Variants in CDKL5 observed in about 807,000 individuals in gnomAD.
The protein encoded by CDKL5 is cyclin-dependent kinase-like 5.
CDKL5 carries 8 observed loss-of-function variants against 61.7 expected under a neutral mutation model. The observed-to-expected ratio is 0.13, with a 90% CI of 0.08 to 0.23. The LOEUF is 0.23. CDKL5 is among the 10% of genes least tolerant of loss of function. The pLI is 1.00. For missense variants in CDKL5, 440 were observed against 734.5 expected (o/e 0.60, Z 4.63); for synonymous variants, 275 against 272.3 (o/e 1.01, Z -0.10).
At position 18,633,100 on chromosome X, in the gene CDKL5, G is replaced by A; in HGVS notation, c.*4343G>A. The A allele has an allele frequency of 1.3e-6, 1 of 754,178 alleles. No individual in the cohort carries two copies. Among genetic ancestry groups the A allele is most frequent in the Non-Finnish European group, 1.6e-6 (1 of 639,398 alleles). 62.2% of individuals were successfully genotyped at this position (754,178 alleles called of 1,213,427 possible). On this transcript the variant is annotated 3_prime_UTR_variant, in exon 18 of 18. Transcript: ENST00000623535. ...GACTCAGTAAATCTGCACGTTCTCTGCTGGTCAGAACATGTTTCCTGGAGA... is the reference window on the plus strand; with the variant it reads ...GACTCAGTAAATCTGCACGTTCTCTACTGGTCAGAACATGTTTCCTGGAGA...
intron 16 of CDKL5, among the ~76,000 whole-genome samples, chrX:18,621,482 T>A (rs942622691): frequency 1.8e-5 from 2 of 111,767 alleles, no homozygotes; most frequent in Non-Finnish European, 1.9e-5. Flanking sequence ...GTATTAGGAT[T>A]TTGGTATATT....
At chrX:18,483,405 T>C (rs1389139367) in intron 1 of CDKL5, among the ~76,000 whole-genome samples, 2 of 110,881 alleles carry the variant, frequency 1.8e-5, no homozygotes, top group African/African-American at 3.3e-5. Context: ...AAGCAGTGCA[T>C]GGACTGCTTG....
intron 14 of CDKL5, among the ~76,000 whole-genome samples, chrX:18,611,642 T>C (rs1039526375): frequency 9.0e-6 from 1 of 111,130 alleles, no homozygotes; most frequent in Non-Finnish European, 1.9e-5. Flanking sequence ...TTAAGTTAGT[T>C]AGTCTTTGAC....
rs1602286432 is a variant in CDKL5, at chrX:18,604,387, G to A, written c.1463G>A (p.Ser488Asn). Residue 488 changes from serine (S) to asparagine (N), a missense_variant, in exon 12 of 18, where the codon AGC (serine) becomes AAC (asparagine). Around this residue, in one of 2 missense-constraint regions of CDKL5, gnomAD observed 363 missense variants for 516.3 expected, o/e 0.70. Coordinates refer to ENST00000623535, the MANE Select transcript of CDKL5 (RefSeq NM_001323289.2). Reference protein sequence around the residue: ...RSPSYRTKAKSHGALSDSKSV... With the variant: ...RSPSYRTKAKNHGALSDSKSV... ...CCCTCCTACAGGACCAAGGCCAAAA[G>A]CCATGGGGCACTGAGTGACTCCAAG... is the stretch of plus-strand genomic sequence containing the variant. The A allele has an allele frequency of 4.1e-6, 5 of 1,210,426 alleles. 1 individual carries two copies. The highest frequency in any genetic ancestry group is 2.2e-6 in the Non-Finnish European group (2 of 894,566).
At chrX:18,497,617 G>A (rs1342127937) in intron 1 of CDKL5, among the ~76,000 whole-genome samples, 1 of 111,322 alleles carries the variant, frequency 9.0e-6, no homozygotes, top group African/African-American at 3.3e-5. Context: ...AATATTCTGA[G>A]GTCTTAAAAG....
intron 7 of CDKL5, among the ~76,000 whole-genome samples, chrX:18,582,227 A>C (rs1020728396): frequency 8.9e-6 from 1 of 111,910 alleles, no homozygotes; most frequent in South Asian, 3.7e-4. Context: ...ACTTCACAAA[A>C]ATTTTTTTTG....
At chrX:18,475,393 C>A (rs955247252) in intron 1 of CDKL5, among the ~76,000 whole-genome samples, 3 of 110,559 alleles carry the variant, frequency 2.7e-5, no homozygotes, top group Non-Finnish European at 5.7e-5. Flanking sequence ...CTTTTGGGCA[C>A]AAGCGATCCT....
At chrX:18,596,806 T>C (rs1028111609) in intron 10 of CDKL5, among the ~76,000 whole-genome samples, 1 of 112,328 alleles carries the variant, frequency 8.9e-6, no homozygotes, top group African/African-American at 3.2e-5. Context: ...TTACCAAATA[T>C]AATTGCCAAG....
intron 1 of CDKL5, among the ~76,000 whole-genome samples, chrX:18,441,358 T>C (rs1931738341): frequency 9.0e-6 from 1 of 110,548 alleles, no homozygotes; most frequent in South Asian, 3.9e-4. Context: ...GAGGCTGCAG[T>C]GAGCCATGAT....
intron 3 of CDKL5, among the ~76,000 whole-genome samples, chrX:18,516,914 T>G (rs2147099282): frequency 9.0e-6 from 1 of 111,508 alleles, no homozygotes. Flanking sequence ...TTTTGTATTT[T>G]TAGTAGAGAC....
At chrX:18,612,382 C>A (rs1926580137) in intron 14 of CDKL5, among the ~76,000 whole-genome samples, 1 of 111,135 alleles carries the variant, frequency 9.0e-6, no homozygotes, top group Non-Finnish European at 1.9e-5. Context: ...CTTGAAAATA[C>A]CCTGGCCGGG....
intron 1 of CDKL5, among the ~76,000 whole-genome samples, chrX:18,495,307 C>T (rs1922129689): frequency 8.9e-6 from 1 of 112,253 alleles, no homozygotes; most frequent in Non-Finnish European, 1.9e-5. Flanking sequence ...ACATTCAAGG[C>T]CCAGGCAGCT....
chrX:18,559,369 G>A (rs939784836), intron 3 of CDKL5, among the ~76,000 whole-genome samples: 5 of 110,376 alleles, frequency 4.5e-5, no homozygotes, highest in Admixed American at 9.7e-5. Flanking sequence ...CCACCATGCC[G>A]GGCTAATTTT....
chrX:18,642,308 G>A (rs528917195), downstream of CDKL5: 68 of 556,444 alleles, frequency 1.2e-4, no homozygotes, highest in South Asian at 1.8e-3. Context: ...CTGACCTTGA[G>A]TGATTGTCAT....
At chrX:18,559,984 T>TAA (rs1924742765) in intron 3 of CDKL5, among the ~76,000 whole-genome samples, 2 of 109,679 alleles carry the variant, frequency 1.8e-5, no homozygotes, top group Admixed American at 1.9e-4. Context: ...TATGGCTGCA[T>TAA]AGTATTCCAT....
intron 3 of CDKL5, among the ~76,000 whole-genome samples, chrX:18,564,126 G>A (rs1323478322): frequency 1.8e-5 from 2 of 111,480 alleles, no homozygotes; most frequent in Non-Finnish European, 3.8e-5. Context: ...ATGTGTCTCT[G>A]GACTTCAGAG....
chrX:18,572,631 A>C (rs1455023796), intron 4 of CDKL5, among the ~76,000 whole-genome samples: 1 of 111,887 alleles, frequency 8.9e-6, no homozygotes, highest in Non-Finnish European at 1.9e-5. Flanking sequence ...GGAAATTGAC[A>C]GTGCTGTAAG....
At position 18,633,186 on chromosome X, in the gene CDKL5, G is replaced by A. The variant is rs1927282399; in HGVS notation, c.*4429G>A. The A allele has an allele frequency of 1.3e-6, 1 of 752,447 alleles. No individual in the cohort carries two copies. The highest frequency in any genetic ancestry group is 8.8e-5 in the Admixed American group (1 of 11,379). 62.0% of individuals were successfully genotyped at this position (752,447 alleles called of 1,213,427 possible). A position where few individuals can be genotyped will look rare whatever the true frequency, so the allele number is the denominator to read the frequency against. ...GCATGATAGTGGGATATTGAGATGTGGGTTCTAAGATCCACAGACTCATAC... is the reference window on the plus strand; with the variant it reads ...GCATGATAGTGGGATATTGAGATGTAGGTTCTAAGATCCACAGACTCATAC... On this transcript the variant is annotated 3_prime_UTR_variant, in exon 18 of 18. Coordinates refer to ENST00000623535, the MANE Select transcript of CDKL5 (RefSeq NM_001323289.2).
At chrX:18,503,774 C>T (rs920650953) in intron 1 of CDKL5, among the ~76,000 whole-genome samples, 7 of 112,138 alleles carry the variant, frequency 6.2e-5, no homozygotes, top group East Asian at 2.8e-4. Context: ...CAGGGTCTTG[C>T]GGTGTTGCCC....
Sources: allele counts gnomAD v4.1 joint callset (sites outside exome capture counted in the v4.1 genomes callset), GRCh38; gene constraint gnomAD v4.1.1; regional missense constraint gnomAD v4.1.1; transcripts MANE v1.5; gene names NCBI Gene and HGNC (gene_info 2026-07-23, HGNC 2026-07-21).